The following LRP1B variants were observed in gnomAD, a reference collection of about 807,000 sequenced individuals.
LRP1B encodes LDL receptor related protein 1B, also known as low-density lipoprotein receptor-related protein 1B.
In LRP1B, 217 loss-of-function variants were observed where a neutral mutation model predicts 556.6. That is an observed-to-expected ratio of 0.39 (90% CI 0.35 to 0.44). The LOEUF is 0.44. Ranked by LOEUF, LRP1B falls within the 20% of genes least tolerant of loss-of-function variation. LRP1B has a pLI of 1.00. For synonymous variants in LRP1B, 2,047 were observed against 1,865.8 expected, an observed-to-expected ratio of 1.10 and a Z score of -2.50; for missense variants, 5,053 against 5,620.8, an observed-to-expected ratio of 0.90 and a Z score of 3.23.
At chr2:141,576,312 G>A (rs146133086) in intron 2 of LRP1B, among the ~76,000 whole-genome samples, 277 of 152,276 alleles carry the variant, frequency 1.8e-3, no homozygotes, top group African/African-American at 6.3e-3. Flanking sequence ...ATCATACTCA[G>A]CAAACTAACA....
intron 21 of LRP1B, among the ~76,000 whole-genome samples, chr2:140,918,894 C>T (rs1224429554): frequency 6.6e-6 from 1 of 151,896 alleles, no homozygotes; most frequent in Non-Finnish European, 1.5e-5. Flanking sequence ...GTTTAAACAA[C>T]CCAGTTTATG....
At chr2:141,512,131 C>T (rs1426875093) in intron 2 of LRP1B, among the ~76,000 whole-genome samples, 1 of 152,138 alleles carries the variant, frequency 6.6e-6, no homozygotes, top group Non-Finnish European at 1.5e-5. Context: ...TCAACATATA[C>T]CCTACCCTCT....
At chr2:141,942,785 C>CTAGG (rs1305111198) in intron 1 of LRP1B, among the ~76,000 whole-genome samples, 3 of 152,136 alleles carry the variant, frequency 2.0e-5, no homozygotes, top group Non-Finnish European at 2.9e-5. Flanking sequence ...ACAACAGAGA[C>CTAGG]TAGGAGCTGT....
intron 41 of LRP1B, among the ~76,000 whole-genome samples, chr2:140,671,067 T>TA (rs142057390): frequency 0.029 from 4,468 of 152,298 alleles, 100 homozygotes; most frequent in South Asian, 0.046. Flanking sequence ...ATTCATTTCT[T>TA]ATTGCAGTTA....
intron 2 of LRP1B, among the ~76,000 whole-genome samples, chr2:141,563,949 T>C (rs143830925): frequency 0.011 from 1,647 of 152,054 alleles, 13 homozygotes; most frequent in Middle Eastern, 0.017. Context: ...ATCATTCACA[T>C]CCCAAACCTC....
chr2:141,997,412 T>C (rs1163205733), intron 1 of LRP1B, among the ~76,000 whole-genome samples: 3 of 21,076 alleles, frequency 1.4e-4, no homozygotes, highest in Non-Finnish European at 2.6e-4. Context: ...TATAAATGTA[T>C]ATATGTGTGT....
intron 25 of LRP1B, among the ~76,000 whole-genome samples, chr2:140,876,862 A>G (rs1693323575): frequency 1.3e-5 from 2 of 152,188 alleles, no homozygotes; most frequent in South Asian, 4.1e-4. Context: ...AATAAAGCAA[A>G]TCAGTCCTAC....
intron 7 of LRP1B, among the ~76,000 whole-genome samples, chr2:141,089,949 G>T (rs1700136496): frequency 6.6e-6 from 1 of 152,174 alleles, no homozygotes; most frequent in Non-Finnish European, 1.5e-5. Flanking sequence ...TAGTGAAAAG[G>T]GTTATATTCT....
chr2:140,905,538 T>C (rs369114315), intron 22 of LRP1B, among the ~76,000 whole-genome samples: 2 of 152,102 alleles, frequency 1.3e-5, no homozygotes, highest in Admixed American at 6.6e-5. Flanking sequence ...GAACTCTGCC[T>C]CTCATTCTCC....
chr2:140,657,236 AT>A (rs1222762567), intron 41 of LRP1B, among the ~76,000 whole-genome samples: 2 of 152,048 alleles, frequency 1.3e-5, no homozygotes, highest in African/African-American at 4.8e-5. Context: ...TTATTTCATA[AT>A]TAAAGGAAAC....
intron 1 of LRP1B, among the ~76,000 whole-genome samples, chr2:142,015,036 A>G (rs906972700): frequency 2.6e-4 from 39 of 152,250 alleles, no homozygotes; most frequent in Admixed American, 2.6e-3. Flanking sequence ...AAATGATAGT[A>G]ATCAGAGTAA....
chr2:141,179,985 C>A (rs1472668319), intron 7 of LRP1B, among the ~76,000 whole-genome samples: 12 of 147,524 alleles, frequency 8.1e-5, no homozygotes, highest in Admixed American at 2.1e-4. Context: ...AATGTATAAG[C>A]AGAACAATGT....
intron 3 of LRP1B, among the ~76,000 whole-genome samples, chr2:141,313,141 A>G (rs928745598): frequency 3.3e-5 from 5 of 152,136 alleles, no homozygotes; most frequent in Non-Finnish European, 7.4e-5. Flanking sequence ...AGCTTACACT[A>G]TTTCTTTTTT....
chr2:140,249,942 T>A (rs13387305), intron 86 of LRP1B, among the ~76,000 whole-genome samples: 6,196 of 151,952 alleles, frequency 0.041, 437 homozygotes, highest in African/African-American at 0.14. Flanking sequence ...TCCTGTCCAA[T>A]TCCCCGCTGA....
chr2:140,258,476 G>A (rs1003236892), intron 86 of LRP1B, among the ~76,000 whole-genome samples: 1 of 151,930 alleles, frequency 6.6e-6, no homozygotes, highest in Non-Finnish European at 1.5e-5. Flanking sequence ...CTAACCTTTC[G>A]TTTATGCCAA....
chr2:140,980,572 T>C (rs1188432818), intron 18 of LRP1B, among the ~76,000 whole-genome samples: 1 of 152,216 alleles, frequency 6.6e-6, no homozygotes, highest in Non-Finnish European at 1.5e-5. Context: ...AGAGGTTATA[T>C]ACTCAGATGT....
intron 2 of LRP1B, among the ~76,000 whole-genome samples, chr2:141,799,808 CTGTG>C (rs145191262): frequency 5.3e-4 from 79 of 147,704 alleles, no homozygotes; most frequent in African/African-American, 1.7e-3. Context: ...AAGAGTGTGT[CTGTG>C]TGTGTGTGTG....
At chr2:141,297,477 T>G (rs540855407) in intron 3 of LRP1B, among the ~76,000 whole-genome samples, 97 of 152,256 alleles carry the variant, frequency 6.4e-4, no homozygotes, top group Non-Finnish European at 1.3e-3. Context: ...TTTTTTTAAG[T>G]AAAATCTTAA....
chr2:141,735,281 A>G (rs1305602514), intron 2 of LRP1B, among the ~76,000 whole-genome samples: 1 of 151,762 alleles, frequency 6.6e-6, no homozygotes, highest in African/African-American at 2.4e-5. Context: ...TATAGATGGC[A>G]TGGCATAAGA....
Sources: allele counts gnomAD v4.1 joint callset (sites outside exome capture counted in the v4.1 genomes callset), GRCh38; gene constraint gnomAD v4.1.1; transcripts MANE v1.5; gene names NCBI Gene and HGNC (gene_info 2026-07-23, HGNC 2026-07-21).